Variants in CFAP53 observed in about 807,000 individuals in gnomAD.
The protein encoded by CFAP53 is cilia and flagella associated protein 53, also known as cilia- and flagella-associated protein 53.
CFAP53 carries 62 observed loss-of-function variants against 59.7 expected under a neutral mutation model. The observed-to-expected ratio is 1.04, with a 90% confidence interval of 0.85 to 1.28. The LOEUF is 1.28. Among genes scored for constraint, CFAP53 ranks in the 50% most tolerant of loss-of-function variants. CFAP53 has a pLI of 0.00. For synonymous variants in CFAP53, 218 were observed against 205.7 expected, an observed-to-expected ratio of 1.06 and a Z score of -0.51; for missense variants, 629 against 615.6, an observed-to-expected ratio of 1.02 and a Z score of -0.23.
intron 6 of CFAP53, among the ~76,000 whole-genome samples, chr18:50,241,966 C>T (rs2033694146): frequency 6.6e-6 from 1 of 152,168 alleles, no homozygotes; most frequent in African/African-American, 2.4e-5. Flanking sequence ...CTTATCTCAA[C>T]CGCATAAGAC....
At chr18:50,265,402 T>C (rs538247447) in intron 1 of CFAP53, among the ~76,000 whole-genome samples, 8 of 152,300 alleles carry the variant, frequency 5.3e-5, no homozygotes, top group South Asian at 2.1e-4. Flanking sequence ...CCCCAAGATA[T>C]TGCATTATGT....
intron 1 of CFAP53, among the ~76,000 whole-genome samples, chr18:50,264,148 C>T (rs773217922): frequency 6.6e-6 from 1 of 152,152 alleles, no homozygotes; most frequent in East Asian, 1.9e-4. Flanking sequence ...CAATATGTGA[C>T]TCTAGGCACA....
At chr18:50,250,219 C>A (rs1237994831) in intron 5 of CFAP53, among the ~76,000 whole-genome samples, 43 of 117,568 alleles carry the variant, frequency 3.7e-4, no homozygotes, top group African/African-American at 1.3e-3. Flanking sequence ...ACCCCTGTCT[C>A]AAAAAAAAAA....
rs372566304 is a variant in CFAP53 at position 50,262,308 on chromosome 18, C to A, written c.70-89G>T. 440 of 1,091,072 alleles carry A rather than the reference C, an allele frequency of 4.0e-4. 5 individuals carry two copies. The South Asian group carries it at 6.1e-3, about 15-fold the overall frequency. The allele number at this position is 1,091,072 out of a possible 1,614,324, so 67.6% of individuals were successfully genotyped here. A position where few individuals can be genotyped will look rare whatever the true frequency, so the allele number is the denominator to read the frequency against. On this transcript the variant is annotated intron_variant, in intron 1 of 7. Transcript: ENST00000398545. ...GTTATGCTCTCAATCAATACTCATA[C>A]TAAATAAAATTGGGTATAAAAAACT...
At chr18:50,262,470 A>AT (rs1427202842) in intron 1 of CFAP53, among the ~76,000 whole-genome samples, 1 of 152,224 alleles carries the variant, frequency 6.6e-6, no homozygotes, top group Non-Finnish European at 1.5e-5. Context: ...GTTGATGGAA[A>AT]TTACAAAGTT....
Position 50,261,172 on chromosome 18 carries a change from G to C in CFAP53, c.365C>G (p.Thr122Ser), listed in dbSNP as rs1599132514. 2 of 1,540,340 alleles carry C rather than the reference G, an allele frequency of 1.3e-6. No individual in the cohort carries two copies. The highest frequency in any genetic ancestry group is 1.7e-6 in the Non-Finnish European group (2 of 1,152,086). Residue 122 changes from threonine (T) to serine (S), a missense_variant, in exon 3 of 8, where the codon ACC (threonine) becomes AGC (serine). Thr to Ser is a moderately conservative substitution (Grantham distance 58, BLOSUM62 1). Coordinates refer to ENST00000398545, the MANE Select transcript of CFAP53 (RefSeq NM_145020.5). ...YFTEMQLKKE[T>S]IEEKKDRMRE... ...CATCCTATCTTTTTTCTCCTCAATG[G>C]TTTCTTTCTTCAATTGCATTTCTGT... is the stretch of plus-strand genomic sequence containing the variant.
At position 50,257,303 on chromosome 18, in the gene CFAP53, T is replaced by A. The variant is rs557244454; in HGVS notation, c.473+3761A>T. On this transcript the variant is annotated intron_variant, in intron 3 of 7. Coordinates refer to ENST00000398545, the MANE Select transcript of CFAP53 (RefSeq NM_145020.5). The stretch of plus-strand genomic sequence containing the variant: ...AGGCAAGAGAAAGATATAATGGGCA[T>A]CCAAATTTCAAAGTAAGAAGTCAAA... 2.0e-5 allele frequency among the ~76,000 whole-genome samples: 3 copies of A among 152,270 alleles called. No homozygotes were observed. The East Asian group carries it at 5.8e-4, about 29-fold the overall frequency.
Position 50,237,815 on chromosome 18 carries a change from G to A in CFAP53, c.1316+788C>T, listed in dbSNP as rs8083979. Among the ~76,000 whole-genome samples the A allele has an allele frequency of 6.4e-3, 971 of 152,160 alleles. 9 individuals carry two copies. Among genetic ancestry groups the A allele is most frequent in the African/African-American group, 0.022 (933 of 41,470 alleles). On this transcript the variant is annotated intron_variant, in intron 7 of 7. Coordinates refer to ENST00000398545, the MANE Select transcript of CFAP53 (RefSeq NM_145020.5). ...CTAAGGCCTGTCAGAGGAAAGCAGT[G>A]GTATTTCCCAAAGCATCCAGAGTGT...
intron 7 of CFAP53, among the ~76,000 whole-genome samples, 160 bp downstream of exon 7, chr18:50,238,443 G>T (rs2033657572): frequency 6.6e-6 from 1 of 152,032 alleles, no homozygotes; most frequent in Non-Finnish European, 1.5e-5. Flanking sequence ...GTAGAGATGA[G>T]ATCTTGCTAT....
In CFAP53 at chr18:50,239,047, TTTA is replaced by T. The variant is rs529092374; in HGVS notation, c.1214-345_1214-343del. On this transcript the variant is annotated intron_variant, in intron 6 of 7. Transcript: ENST00000398545. ...ATTAATAAAAGTTTATTATAAATAA[TTTA>T]TTATTTATTATATATTTATTATAAA... Among the ~76,000 whole-genome samples the T allele has an allele frequency of 2.9e-3, 424 of 148,332 alleles. 2 individuals are homozygous for T. Among genetic ancestry groups the T allele is most frequent in the African/African-American group, 9.3e-3 (381 of 40,940 alleles).
Position 50,262,074 on chromosome 18 carries a change from C to T in CFAP53, c.215G>A (p.Cys72Tyr). ...TCGCACAAGGCTGTCCAAAATCTTG[C>T]AGTCATTGTGCTGGTCCCACTCAGC... ...LKAEWDQHND[C>Y]KILDSLVRAR... Residue 72 changes from cysteine (C) to tyrosine (Y), a missense_variant, in exon 2 of 8, where the codon TGC becomes TAC. Coordinates refer to ENST00000398545, the MANE Select transcript of CFAP53 (RefSeq NM_145020.5). 1 of 1,614,218 alleles carries T rather than the reference C, an allele frequency of 6.2e-7. No individual in the cohort carries two copies. Among genetic ancestry groups the T allele is most frequent in the South Asian group, 1.1e-5 (1 of 91,086 alleles).
rs1242621667 is a variant in CFAP53, at chr18:50,246,827, C to T, written c.997-3711G>A. Among the ~76,000 whole-genome samples, 3 of 151,902 alleles carry T rather than the reference C, an allele frequency of 2.0e-5. No homozygotes were observed. The South Asian group carries it at 6.2e-4, about 32-fold the overall frequency. ...TTGGGAGGCTGAGGTGGGTGGATCG[C>T]CTAAGGTCAGGAGTTCAAGACCAGC... On this transcript the variant is annotated intron_variant, in intron 5 of 7. Coordinates refer to ENST00000398545, the MANE Select transcript of CFAP53 (RefSeq NM_145020.5).
chr18:50,246,211 C>A (rs1008016200), intron 5 of CFAP53, among the ~76,000 whole-genome samples: 9 of 152,280 alleles, frequency 5.9e-5, no homozygotes, highest in African/African-American at 2.2e-4. Context: ...TTTCTGATTT[C>A]AAACTTACTA....
chr18:50,256,891 T>C (rs2033851092), intron 3 of CFAP53, among the ~76,000 whole-genome samples: 1 of 150,328 alleles, frequency 6.7e-6, no homozygotes. Context: ...TCAGGTATTT[T>C]TGGATCATCC....
Position 50,251,715 on chromosome 18 carries a change from T to C in CFAP53, c.543A>G (p.Lys181=), listed in dbSNP as rs2033802779. The C allele has an allele frequency of 1.9e-6, 3 of 1,614,246 alleles. No homozygotes were observed. The highest frequency in any genetic ancestry group is 2.5e-6 in the Non-Finnish European group (3 of 1,180,048). The stretch of plus-strand genomic sequence containing the variant: ...GCTCCTCATTAAATGCAATCTGTGC[T>C]TTCCGCTCCTCACACACCTTCTTCT... The part of the protein sequence containing the change: ...IHQKKVCEER[K]AQIAFNEELS... The change falls in exon 4 of 8, where the codon AAA becomes AAG. Residue 181 remains lysine, a synonymous_variant. Coordinates refer to ENST00000398545, the MANE Select transcript of CFAP53 (RefSeq NM_145020.5).
intron 1 of CFAP53, among the ~76,000 whole-genome samples, chr18:50,265,562 G>T (rs1377245104): frequency 6.6e-6 from 1 of 152,162 alleles, no homozygotes; most frequent in African/African-American, 2.4e-5. Context: ...CAGGATCATT[G>T]TATCCACCCC....
intron 6 of CFAP53, among the ~76,000 whole-genome samples, chr18:50,239,899 C>T (rs1207092663): frequency 6.6e-6 from 1 of 152,120 alleles, no homozygotes; most frequent in Non-Finnish European, 1.5e-5. Context: ...TATAAATGGT[C>T]TCAATAAATT....
chr18:50,258,943 A>G lies in CFAP53; in HGVS notation c.473+2121T>C, dbSNP rs189570337. Among the ~76,000 whole-genome samples, 16 of 152,350 alleles carry G rather than the reference A, an allele frequency of 1.1e-4. 1 individual carries two copies. Among genetic ancestry groups the G allele is most frequent in the Admixed American group, 9.8e-4 (15 of 15,302 alleles). On this transcript the variant is annotated intron_variant, in intron 3 of 7. Transcript: ENST00000398545. ...CCAGTTAAAATTGCTTATATCTAAA[A>G]GACAGGCAATAACAAATCTTGGTGA... is the stretch of plus-strand genomic sequence containing the variant.
At chr18:50,229,568 C>A (rs1448765097) in intron 7 of CFAP53, among the ~76,000 whole-genome samples, 2 of 152,104 alleles carry the variant, frequency 1.3e-5, no homozygotes, top group Non-Finnish European at 2.9e-5. Context: ...CTCTTCAAGA[C>A]CCTGCTTTTA....
Sources: allele counts gnomAD v4.1 joint callset (sites outside exome capture counted in the v4.1 genomes callset), GRCh38; gene constraint gnomAD v4.1.1; transcripts MANE v1.5; gene names NCBI Gene and HGNC (gene_info 2026-07-23, HGNC 2026-07-21).